RPTOR: variants seen among roughly 807,000 people sequenced by gnomAD.
RPTOR encodes regulatory associated protein of MTOR complex 1.
RPTOR carries 21 observed loss-of-function variants against 169.9 expected under a neutral mutation model. The observed-to-expected ratio is 0.12, with a 90% CI of 0.09 to 0.18. RPTOR has a LOEUF of 0.18. Ranked by LOEUF, RPTOR falls within the 10% of genes least tolerant of loss-of-function variation. The pLI is 1.00. For synonymous variants in RPTOR, 732 were observed against 753.2 expected, an observed-to-expected ratio of 0.97 and a Z score of 0.46; for missense variants, 1,133 against 1,855.9, an observed-to-expected ratio of 0.61 and a Z score of 7.16.
intron 3 of RPTOR, among the ~76,000 whole-genome samples, chr17:80,644,064 G>T (rs1422490753): frequency 1.6e-4 from 25 of 152,222 alleles, no homozygotes; most frequent in Non-Finnish European, 2.8e-4. Flanking sequence ...GTTTGTTCCA[G>T]ATTTTTAGAA....
intron 5 of RPTOR, among the ~76,000 whole-genome samples, chr17:80,744,287 T>A (rs374559167): frequency 8.7e-5 from 6 of 69,250 alleles, no homozygotes; most frequent in East Asian, 4.7e-4. Flanking sequence ...TTACTAGCAC[T>A]GTCCTGGCTA....
intron 20 of RPTOR, among the ~76,000 whole-genome samples, chr17:80,908,528 C>T (rs1031174877): frequency 6.6e-6 from 1 of 152,196 alleles, no homozygotes; most frequent in Non-Finnish European, 1.5e-5. Flanking sequence ...CCCTCCGATC[C>T]GCTGAGGCAT....
At chr17:80,762,644 G>A (rs1477220836) in intron 6 of RPTOR, among the ~76,000 whole-genome samples, 1 of 152,214 alleles carries the variant, frequency 6.6e-6, no homozygotes, top group Non-Finnish European at 1.5e-5. Flanking sequence ...CCAGTTGGAA[G>A]CATTAAGTAT....
In RPTOR at chr17:80,945,648, T is replaced by G; in HGVS notation, c.3026-19T>G. On this transcript the variant is annotated intron_variant, in intron 25 of 33. Coordinates refer to ENST00000306801, the MANE Select transcript of RPTOR (RefSeq NM_020761.3). ...AGATGCTGGCTCCTGGATCCACTCTTGTGTGTTTCTTTTGACAGGCATTAC... is the reference window on the plus strand; with the variant it reads ...AGATGCTGGCTCCTGGATCCACTCTGGTGTGTTTCTTTTGACAGGCATTAC... 1.4e-6 allele frequency: 2 copies of G among 1,479,478 alleles called. No homozygotes were observed. Among genetic ancestry groups the G allele is most frequent in the Non-Finnish European group, 1.9e-6 (2 of 1,063,796 alleles). The allele number at this position is 1,479,478 out of a possible 1,614,324, so 91.6% of individuals were successfully genotyped here.
chr17:80,695,093 C>T lies in RPTOR; in HGVS notation c.349-12748C>T, dbSNP rs1011241366. Among the ~76,000 whole-genome samples the T allele has an allele frequency of 6.6e-6, 1 of 152,130 alleles. No homozygotes were observed. The highest frequency in any genetic ancestry group is 2.4e-5 in the African/African-American group (1 of 41,424). Reference sequence around the variant, plus strand: ...TGGCTGTGTGGCCCCGTGAGGGTTACTGAACCTCTCTGTGCCCAGCCTCCT... The same window carrying T: ...TGGCTGTGTGGCCCCGTGAGGGTTATTGAACCTCTCTGTGCCCAGCCTCCT... On this transcript the variant is annotated intron_variant, in intron 3 of 33. Transcript: ENST00000306801. The surrounding 1 kb of genome is among the most constrained non-coding windows in gnomAD (Gnocchi z 4.9).
intron 2 of RPTOR, 117 bp downstream of exon 2, chr17:80,625,910 AG>A: frequency 1.4e-6 from 1 of 699,112 alleles, no homozygotes; most frequent in Non-Finnish European, 2.5e-6. Flanking sequence ...TGCAAATCTG[AG>A]GGGTTTTTCT....
At chr17:80,663,281 G>A (rs766543403) in intron 3 of RPTOR, among the ~76,000 whole-genome samples, 73 of 152,180 alleles carry the variant, frequency 4.8e-4, no homozygotes, top group Admixed American at 3.9e-4. Context: ...TGCAAGTCTT[G>A]TGTGGACCAT....
rs756079777 is a variant in RPTOR, at chr17:80,823,146, G to A, written c.1059G>A (p.Ala353=). 1.3e-5 allele frequency: 21 copies of A among 1,614,002 alleles called. No individual in the cohort carries two copies. The highest frequency in any genetic ancestry group is 2.2e-5 in the East Asian group (1 of 44,908). Residue 353 remains alanine (A), a synonymous_variant, in exon 9 of 34, where the codon GCG becomes GCA. Coordinates refer to ENST00000306801, the MANE Select transcript of RPTOR (RefSeq NM_020761.3). This position sits in a 1 kb window ranked among gnomAD's most constrained non-coding sequence, Gnocchi z 4.5. ...VASLFRNFLL[A]ERIMRSYNCT... is the part of the protein sequence containing the mutation. ...GTCTGTTTCGAAATTTTTTATTGGC[G>A]GAAAGGATTATGAGGTCGTATAACT...
chr17:80,639,319 G>A (rs962971292), intron 2 of RPTOR, among the ~76,000 whole-genome samples: 1 of 151,472 alleles, frequency 6.6e-6, no homozygotes, highest in Non-Finnish European at 1.5e-5. Flanking sequence ...TAAATACACG[G>A]TACAAAGAAC....
At position 80,960,533 on chromosome 17, in the gene RPTOR, A is replaced by G. The variant is rs1025805364; in HGVS notation, c.3605+328A>G. 6.6e-6 allele frequency among the ~76,000 whole-genome samples: 1 copy of G among 152,108 alleles called. No individual in the cohort carries two copies. Among genetic ancestry groups the G allele is most frequent in the Non-Finnish European group, 1.5e-5 (1 of 67,988 alleles). ...GCAGGGCCGCAGCCAGGCACCTGCC[A>G]CCTCTGAGCTCACCTGAACAGAATA... is the stretch of plus-strand genomic sequence containing the variant. On this transcript the variant is annotated intron_variant, in intron 30 of 33. Coordinates refer to ENST00000306801, the MANE Select transcript of RPTOR (RefSeq NM_020761.3). The surrounding 1 kb of genome is among the most constrained non-coding windows in gnomAD (Gnocchi z 4.8).
intron 1 of RPTOR, among the ~76,000 whole-genome samples, chr17:80,582,036 G>GGAGA (rs1417813066): frequency 5.3e-5 from 8 of 152,298 alleles, no homozygotes; most frequent in African/African-American, 1.9e-4. Flanking sequence ...CACTAGAGAG[G>GGAGA]GAGAGCTCTG....
chr17:80,620,339 G>A (rs918606684), intron 1 of RPTOR, among the ~76,000 whole-genome samples: 2 of 152,108 alleles, frequency 1.3e-5, no homozygotes, highest in Non-Finnish European at 2.9e-5. Flanking sequence ...AAATTTGATA[G>A]CCCTTACATT....
intron 6 of RPTOR, among the ~76,000 whole-genome samples, chr17:80,781,002 G>A (rs2066936886): frequency 1.3e-5 from 2 of 152,190 alleles, no homozygotes; most frequent in South Asian, 4.1e-4. Flanking sequence ...TGGGTGCAGA[G>A]GAGGGTTCTT....
chr17:80,570,489 C>T (rs2064892730), intron 1 of RPTOR, among the ~76,000 whole-genome samples: 2 of 151,986 alleles, frequency 1.3e-5, no homozygotes, highest in Non-Finnish European at 2.9e-5. Flanking sequence ...GAGACAGAGT[C>T]TCACTCTGTC....
intron 1 of RPTOR, among the ~76,000 whole-genome samples, chr17:80,560,234 G>A (rs1291253774): frequency 6.6e-6 from 1 of 152,224 alleles, no homozygotes; most frequent in East Asian, 1.9e-4. Context: ...CTAGCTGGAT[G>A]GGCTGTGGAG....
intron 1 of RPTOR, among the ~76,000 whole-genome samples, chr17:80,555,013 T>G (rs888802357): frequency 6.6e-6 from 1 of 152,200 alleles, no homozygotes; most frequent in African/African-American, 2.4e-5. Context: ...CGGAAAATGT[T>G]GATAAATGAA....
chr17:80,778,518 C>T (rs578238200), intron 6 of RPTOR, among the ~76,000 whole-genome samples: 105 of 152,302 alleles, frequency 6.9e-4, no homozygotes, highest in Non-Finnish European at 1.2e-3. Flanking sequence ...ATTTTCCATA[C>T]ACCCCACACG....
At chr17:80,739,630 C>T (rs1170488932) in intron 5 of RPTOR, among the ~76,000 whole-genome samples, 1 of 151,650 alleles carries the variant, frequency 6.6e-6, no homozygotes, top group Admixed American at 6.6e-5. Flanking sequence ...TCTTTAACCA[C>T]AAGAGAATCA....
rs1220211137 is a variant in RPTOR at position 80,803,745 on chromosome 17, CA to C, written c.890+12237del. 1 of 152,272 alleles carries C rather than the reference CA, an allele frequency of 6.6e-6. No individual in the cohort carries two copies. Among genetic ancestry groups the C allele is most frequent in the Non-Finnish European group, 1.5e-5 (1 of 68,076 alleles). 9.4% of individuals were successfully genotyped at this position (152,272 alleles called of 1,614,324 possible). A position where few individuals can be genotyped will look rare whatever the true frequency, so the allele number is the denominator to read the frequency against. The stretch of plus-strand genomic sequence containing the variant: ...CTTGCTCGTTAACTTACATCCTGAT[CA>C]GGGGAAGAAACGCACATAAGAGGAG... On this transcript the variant is annotated intron_variant, in intron 7 of 33. Coordinates refer to ENST00000306801, the MANE Select transcript of RPTOR (RefSeq NM_020761.3). This position sits in a 1 kb window ranked among gnomAD's most constrained non-coding sequence, Gnocchi z 6.2.
Sources: allele counts gnomAD v4.1 joint callset (sites outside exome capture counted in the v4.1 genomes callset), GRCh38; gene constraint gnomAD v4.1.1; non-coding constraint Gnocchi (gnomAD v3.1); transcripts MANE v1.5; gene names NCBI Gene and HGNC (gene_info 2026-07-23, HGNC 2026-07-21).